Variants in CUX2 observed in about 807,000 individuals in gnomAD.
The protein encoded by CUX2 is homeobox protein cut-like 2.
Under a neutral mutation model 144.8 loss-of-function variants are expected in CUX2, and 40 were observed. That is an observed-to-expected ratio of 0.28 (90% CI 0.21 to 0.36). CUX2 has a LOEUF of 0.36. CUX2 is among the 10% of genes least tolerant of loss of function. CUX2 has a pLI of 1.00. For synonymous variants in CUX2, 827 were observed against 875.6 expected, an observed-to-expected ratio of 0.94 and a Z score of 0.98; for missense variants, 1,615 against 1,994.0, an observed-to-expected ratio of 0.81 and a Z score of 3.62.
At chr12:111,330,572 G>A (rs1178996737) in intron 18 of CUX2, among the ~76,000 whole-genome samples, 2 of 150,864 alleles carry the variant, frequency 1.3e-5, no homozygotes, top group African/African-American at 4.9e-5. Flanking sequence ...AGTGACCCAT[G>A]CCTGTAATCC....
intron 1 of CUX2, among the ~76,000 whole-genome samples, chr12:111,075,480 G>A (rs1871481558): frequency 6.6e-6 from 1 of 152,252 alleles, no homozygotes; most frequent in East Asian, 1.9e-4. Flanking sequence ...GGCTGTTTGC[G>A]ATGGGATAAG....
intron 4 of CUX2, among the ~76,000 whole-genome samples, chr12:111,264,384 G>A (rs1019523302): frequency 6.6e-6 from 1 of 152,194 alleles, no homozygotes; most frequent in Non-Finnish European, 1.5e-5. Context: ...TCAATGGATG[G>A]ATGCATAAAC....
intron 1 of CUX2, among the ~76,000 whole-genome samples, chr12:111,187,042 G>T (rs1251410107): frequency 6.6e-6 from 1 of 152,160 alleles, no homozygotes; most frequent in African/African-American, 2.4e-5. Context: ...GCCTCCTGAA[G>T]TGCTGGGATT....
At chr12:111,076,988 C>T (rs182907311) in intron 1 of CUX2, among the ~76,000 whole-genome samples, 27 of 152,320 alleles carry the variant, frequency 1.8e-4, no homozygotes, top group African/African-American at 5.1e-4. Context: ...GACACATAAA[C>T]GGCCAAAGGA....
In CUX2 at chr12:111,186,230, A is replaced by C. The variant is rs1419484079; in HGVS notation, c.64-27970A>C. On this transcript the variant is annotated intron_variant, in intron 1 of 21. Coordinates refer to ENST00000261726, the MANE Select transcript of CUX2 (RefSeq NM_015267.4). The surrounding 1 kb of genome is among the most constrained non-coding windows in gnomAD (Gnocchi z 4.4). ...ACATCAGCTATCTAAGGGCTGCCTT[A>C]GTTGTCACTGTGGATGCTTAGTCAG... Among the ~76,000 whole-genome samples the C allele has an allele frequency of 6.6e-6, 1 of 151,864 alleles. No homozygotes were observed. Among genetic ancestry groups the C allele is most frequent in the Non-Finnish European group, 1.5e-5 (1 of 67,976 alleles).
intron 1 of CUX2, among the ~76,000 whole-genome samples, chr12:111,049,012 C>T (rs983130450): frequency 1.3e-5 from 2 of 152,120 alleles, no homozygotes; most frequent in Admixed American, 1.3e-4. Flanking sequence ...CATAAATCTG[C>T]TCTCTCATCC....
chr12:111,235,372 G>A (rs73197979), intron 3 of CUX2, among the ~76,000 whole-genome samples: 9,855 of 152,146 alleles, frequency 0.065, 338 homozygotes, highest in South Asian at 0.11. Flanking sequence ...TCTCTCTGGA[G>A]GTGTACAGGC....
rs115760141 is a variant in CUX2 at position 111,339,792 on chromosome 12, C to T, written c.3385+1318C>T. 7.1e-3 allele frequency among the ~76,000 whole-genome samples: 1,084 copies of T among 152,316 alleles called. 14 individuals are homozygous for T. The highest frequency in any genetic ancestry group is 0.024 in the African/African-American group (1,005 of 41,552). On this transcript the variant is annotated intron_variant, in intron 20 of 21. Transcript: ENST00000261726. ...TGGAGAGCACCTAGGGCTGGGCCATCATCATCAGACAATGCTGTGGTTGAG... is the reference window on the plus strand; with the variant it reads ...TGGAGAGCACCTAGGGCTGGGCCATTATCATCAGACAATGCTGTGGTTGAG...
intron 4 of CUX2, among the ~76,000 whole-genome samples, chr12:111,285,323 C>G (rs1260837899): frequency 6.6e-6 from 1 of 152,074 alleles, no homozygotes; most frequent in Non-Finnish European, 1.5e-5. Flanking sequence ...GTAGCTGGGC[C>G]GGCTGAGGGA....
intron 1 of CUX2, among the ~76,000 whole-genome samples, chr12:111,193,797 G>A (rs1004964272): frequency 6.6e-6 from 1 of 152,174 alleles, no homozygotes; most frequent in South Asian, 2.1e-4. Flanking sequence ...GGGGGAAGCC[G>A]GCTGCGATGG....
At chr12:111,115,549 T>G (rs1874246507) in intron 1 of CUX2, among the ~76,000 whole-genome samples, 2 of 152,138 alleles carry the variant, frequency 1.3e-5, no homozygotes, top group South Asian at 2.1e-4. Flanking sequence ...CCTTCCAAAA[T>G]GCTGGATAAA....
At chr12:111,129,653 C>A (rs1028845249) in intron 1 of CUX2, among the ~76,000 whole-genome samples, 5 of 152,188 alleles carry the variant, frequency 3.3e-5, no homozygotes, top group African/African-American at 1.2e-4. Context: ...CAGTCACCAC[C>A]CCTGATCTTT....
intron 1 of CUX2, among the ~76,000 whole-genome samples, chr12:111,141,728 A>G (rs548276940): frequency 3.7e-4 from 56 of 152,214 alleles, no homozygotes; most frequent in Non-Finnish European, 6.8e-4. Context: ...TCTTAGTTCC[A>G]TGCATGGTAC....
chr12:111,313,730 A>C (rs1887024871), intron 16 of CUX2, among the ~76,000 whole-genome samples: 1 of 152,106 alleles, frequency 6.6e-6, no homozygotes, highest in Admixed American at 6.5e-5. Flanking sequence ...ATCCTGAAAG[A>C]TCAGCCATCA....
intron 12 of CUX2, among the ~76,000 whole-genome samples, chr12:111,308,027 G>A (rs1438286203): frequency 6.6e-6 from 1 of 152,186 alleles, no homozygotes; most frequent in Non-Finnish European, 1.5e-5. Context: ...CATGGTAACT[G>A]GAAGGTGATT....
chr12:111,055,048 G>A (rs1002803439), intron 1 of CUX2, among the ~76,000 whole-genome samples: 6 of 152,222 alleles, frequency 3.9e-5, no homozygotes, highest in East Asian at 1.9e-4. Context: ...ATGTTCGTAC[G>A]CTCTCCTGTC....
rs544025047 is a variant in CUX2 at position 111,043,624 on chromosome 12, C to A, written c.63+9384C>A. Among the ~76,000 whole-genome samples the A allele has an allele frequency of 1.1e-3, 170 of 151,612 alleles. 1 individual carries two copies. Among genetic ancestry groups the A allele is most frequent in the African/African-American group, 4.0e-3 (164 of 41,306 alleles). ...GGTCAGGCATTTGAGACCAGCCTGGCCAACATGGTGAAACCCCTTCCCTAC... is the reference window on the plus strand; with the variant it reads ...GGTCAGGCATTTGAGACCAGCCTGGACAACATGGTGAAACCCCTTCCCTAC... On this transcript the variant is annotated intron_variant, in intron 1 of 21. Transcript: ENST00000261726.
At chr12:111,182,617 G>A (rs942626970) in intron 1 of CUX2, among the ~76,000 whole-genome samples, 9 of 152,222 alleles carry the variant, frequency 5.9e-5, no homozygotes, top group Admixed American at 4.6e-4. Flanking sequence ...AGCTGGCTCC[G>A]CTTGGAATTG....
At chr12:111,249,006 AAT>A (rs1565871858) in intron 3 of CUX2, among the ~76,000 whole-genome samples, 1 of 152,214 alleles carries the variant, frequency 6.6e-6, no homozygotes, top group East Asian at 1.9e-4. Context: ...GGTCCAAGAA[AAT>A]ATGTTGTCCA....
Sources: gnomAD v4.1 joint callset for allele counts (sites outside exome capture counted in the v4.1 genomes callset) on GRCh38, gnomAD v4.1.1 for gene constraint, Gnocchi (gnomAD v3.1) non-coding constraint, MANE v1.5 for transcripts, NCBI Gene and HGNC (gene_info 2026-07-23, HGNC 2026-07-21) for gene names.